Variants in MICAL3 observed in about 807,000 individuals in gnomAD.
The protein encoded by MICAL3 is microtubule associated monooxygenase, calponin and LIM domain containing 3.
A neutral mutation model predicts 207.4 loss-of-function variants in MICAL3; 62 were observed. The ratio of observed to expected loss-of-function variants is 0.30; its 90% confidence interval spans 0.24 to 0.37. MICAL3 has a LOEUF of 0.37. Among genes scored for constraint, MICAL3 ranks in the 10% least tolerant of loss-of-function variants. The pLI is 1.00. For missense variants in MICAL3, 2,368 were observed against 2,635.6 expected (o/e 0.90, Z 2.22); for synonymous variants, 1,077 against 1,069.3 (o/e 1.01, Z -0.14).
At chr22:17,856,608 CTTTTT>C (rs57588188) in intron 19 of MICAL3, among the ~76,000 whole-genome samples, 22 of 94,860 alleles carry the variant, frequency 2.3e-4, no homozygotes, top group Admixed American at 6.7e-4. Context: ...AAAATGTTTA[CTTTTT>C]TTTTTTTTTT....
intron 12 of MICAL3, 95 bp from the exon 13 acceptor site, chr22:17,889,325 AG>A: frequency 1.1e-6 from 1 of 925,622 alleles, no homozygotes; most frequent in Non-Finnish European, 1.7e-6. Context: ...CTCTGTTTTC[AG>A]CTAAAATCCA....
At chr22:17,938,137 A>G (rs1659736340) in intron 1 of MICAL3, among the ~76,000 whole-genome samples, 1 of 152,240 alleles carries the variant, frequency 6.6e-6, no homozygotes. Context: ...CAATCCAGTA[A>G]GAACTCATGA....
intron 1 of MICAL3, among the ~76,000 whole-genome samples, chr22:17,952,344 A>G (rs1319148407): frequency 6.6e-6 from 1 of 151,202 alleles, no homozygotes; most frequent in Non-Finnish European, 1.5e-5. Flanking sequence ...TCCTTGAGAA[A>G]CCTCCAAGGA....
chr22:17,836,442 C>A (rs1177709355), intron 20 of MICAL3, among the ~76,000 whole-genome samples: 2 of 152,214 alleles, frequency 1.3e-5, no homozygotes, highest in Non-Finnish European at 2.9e-5. Flanking sequence ...CACACGGAGT[C>A]ATGCTGTGCC....
intron 16 of MICAL3, among the ~76,000 whole-genome samples, chr22:17,880,266 A>G (rs1338688796): frequency 1.3e-5 from 2 of 152,140 alleles, no homozygotes. Flanking sequence ...TCTATACTTC[A>G]GTCTCCTCCC....
Position 17,995,761 on chromosome 22 carries a change from G to C in MICAL3, c.-75+28520C>G, listed in dbSNP as rs1362593218. Among the ~76,000 whole-genome samples, 6 of 151,768 alleles carry C rather than the reference G, an allele frequency of 4.0e-5. No individual in the cohort carries two copies. The East Asian group carries it at 7.8e-4, about 20-fold the overall frequency. On this transcript the variant is annotated intron_variant, in intron 1 of 31. Transcript: ENST00000441493. ...TCACCTCAGGTGATCTGCCCACCTC[G>C]GCCTCTCAAAGGGCTGGGATTACAG...
chr22:17,878,196 T>C (rs1929064002), intron 16 of MICAL3, among the ~76,000 whole-genome samples: 2 of 152,240 alleles, frequency 1.3e-5, no homozygotes, highest in Non-Finnish European at 2.9e-5. Flanking sequence ...TTAAACATTA[T>C]CAGCATCTCA....
At chr22:17,875,773 T>C (rs1023667216) in intron 16 of MICAL3, among the ~76,000 whole-genome samples, 2 of 151,738 alleles carry the variant, frequency 1.3e-5, no homozygotes, top group African/African-American at 4.8e-5. Context: ...CCCTCATGCT[T>C]GCAGCAGAGC....
intron 26 of MICAL3, 67 bp from the exon 27 acceptor site, chr22:17,816,851 T>G: frequency 8.7e-7 from 1 of 1,155,214 alleles, no homozygotes; most frequent in East Asian, 2.6e-5. Flanking sequence ...CCTGCTCCTA[T>G]GCTCCCATGT....
intron 12 of MICAL3, among the ~76,000 whole-genome samples, chr22:17,890,446 C>A (rs771140921): frequency 6.6e-6 from 1 of 152,122 alleles, no homozygotes; most frequent in Non-Finnish European, 1.5e-5. Context: ...CAATCTTTCC[C>A]AAGCTGCTCT....
chr22:18,005,873 G>T (rs557350168), intron 1 of MICAL3: 1 of 152,264 alleles, frequency 6.6e-6, no homozygotes, highest in African/African-American at 2.4e-5. Context: ...GCAAATACAG[G>T]CTGGGCTCAT....
At chr22:17,869,627 T>C (rs1020427459) in intron 17 of MICAL3, among the ~76,000 whole-genome samples, 2 of 152,162 alleles carry the variant, frequency 1.3e-5, no homozygotes, top group African/African-American at 4.8e-5. Context: ...GCACCACAAG[T>C]AAAATATGGG....
Position 17,872,029 on chromosome 22 carries a change from G to A in MICAL3, c.2242-6C>T, listed in dbSNP as rs747053769. The A allele has an allele frequency of 6.3e-7, 1 of 1,594,858 alleles. No homozygotes were observed. Among genetic ancestry groups the A allele is most frequent in the South Asian group, 1.1e-5 (1 of 87,748 alleles). ...AACTCCTTCTTCATGGAGCCCTGCA[G>A]GAGGTGGCGGTCGGGAGGAAGGGGA... On this transcript the variant is annotated splice_region_variant and splice_polypyrimidine_tract_variant and intron_variant, in intron 16 of 31. Transcript: ENST00000441493.
At chr22:17,896,586 C>T in intron 8 of MICAL3, 138 bp downstream of exon 8, 1 of 938,498 alleles carries the variant, frequency 1.1e-6, no homozygotes, top group South Asian at 1.7e-5. Flanking sequence ...CCCTCCTCTA[C>T]TTCCTGGTGT....
At chr22:17,850,962 G>A (rs1386200097) in intron 19 of MICAL3, among the ~76,000 whole-genome samples, 1 of 152,096 alleles carries the variant, frequency 6.6e-6, no homozygotes, top group Non-Finnish European at 1.5e-5. Flanking sequence ...TGTATCAACT[G>A]GCCAGGCCAT....
rs1921113989 is a variant in MICAL3, at chr22:17,817,316, C to T, written c.5345G>A (p.Arg1782Lys). 13 of 1,595,072 alleles carry T rather than the reference C, an allele frequency of 8.2e-6. No homozygotes were observed. Among genetic ancestry groups the T allele is most frequent in the Non-Finnish European group, 1.0e-5 (12 of 1,171,194 alleles). The stretch of plus-strand genomic sequence containing the variant: ...GGACCCGGCTGCTGACGCACCTGCC[C>T]TTACGACGGGAAGCACCCTGTGCTT... ...SGKHRVLPVV[R>K]AELQLRRQLS... The change falls in exon 26 of 32, where the codon AGG (arginine) becomes AAG (lysine). Residue 1782 changes from arginine to lysine, a missense_variant. Transcript: ENST00000441493.
rs551734198 is a variant in MICAL3 at position 17,904,761 on chromosome 22, T to C, written c.343A>G (p.Ile115Val). The C allele has an allele frequency of 3.7e-6, 6 of 1,613,898 alleles. No individual in the cohort carries two copies. Among genetic ancestry groups the C allele is most frequent in the South Asian group, 1.1e-5 (1 of 91,070 alleles). Reference sequence around the variant, plus strand: ...CGGGAGAAGGCATCTCGTTTCTCAATAACAACCACCTTGGCCCCCAGTAAG... The same window carrying C: ...CGGGAGAAGGCATCTCGTTTCTCAACAACAACCACCTTGGCCCCCAGTAAG... ...LSLLGAKVVV[I>V]EKRDAFSRNN... The change falls in exon 3 of 32, where the codon ATT (isoleucine) becomes GTT (valine). Residue 115 changes from isoleucine (I) to valine (V), a missense_variant. Ile to Val is a conservative substitution (Grantham distance 29, BLOSUM62 3). Around this residue, in one of 4 missense-constraint regions of MICAL3, gnomAD observed 400 missense variants for 547.0 expected, o/e 0.73. Coordinates refer to ENST00000441493, the MANE Select transcript of MICAL3 (RefSeq NM_015241.3).
intron 15 of MICAL3, among the ~76,000 whole-genome samples, chr22:17,886,429 G>C (rs1440759342): frequency 6.6e-6 from 1 of 152,198 alleles, no homozygotes; most frequent in Non-Finnish European, 1.5e-5. Flanking sequence ...GACTTTGGGA[G>C]GCCAAGATGG....
intron 20 of MICAL3, among the ~76,000 whole-genome samples, chr22:17,834,867 T>C (rs576188653): frequency 2.0e-5 from 3 of 152,342 alleles, no homozygotes; most frequent in African/African-American, 7.2e-5. Context: ...TGTTTGAACA[T>C]AAAATAAGGC....
Sources: allele counts gnomAD v4.1 joint callset (sites outside exome capture counted in the v4.1 genomes callset), GRCh38; gene constraint gnomAD v4.1.1; regional missense constraint gnomAD v4.1.1; transcripts MANE v1.5; gene names NCBI Gene and HGNC (gene_info 2026-07-23, HGNC 2026-07-21).